The following TAL1 variants were observed in gnomAD, a reference collection of about 807,000 sequenced individuals.
TAL1 encodes T-cell acute lymphocytic leukemia protein 1.
TAL1 carries 8 observed loss-of-function variants against 17.9 expected under a neutral mutation model. The observed-to-expected ratio is 0.45, with a 90% CI of 0.26 to 0.81. TAL1 has a LOEUF of 0.81. TAL1 is among the 30% of genes least tolerant of loss of function. The probability of loss-of-function intolerance (pLI) is 0.17; values close to 1 mark genes in which losing one functional copy is unlikely to be tolerated. For synonymous variants in TAL1, 223 were observed against 218.6 expected (o/e 1.02, Z -0.18); for missense variants, 466 against 486.9 (o/e 0.96, Z 0.40).
At chr1:47,219,694 T>C (rs1321183193) in exon 4 of TAL1, 1 of 1,605,640 alleles carries the variant, frequency 6.2e-7, no homozygotes, top group Admixed American at 1.7e-5. Context: ...AACGCCCTCC[T>C]GGCTGATCCT....
chr1:47,232,209 C>G (rs1031847331), upstream of TAL1: 1 of 184,636 alleles, frequency 5.4e-6, no homozygotes, highest in African/African-American at 2.4e-5. Context: ...TTTTGAGGCC[C>G]GGTCCTGAGC....
chr1:47,225,380 C>G (rs1241301623), intron 2 of TAL1, 63 bp downstream of exon 3: 1 of 1,217,918 alleles, frequency 8.2e-7, no homozygotes, highest in Non-Finnish European at 1.0e-6. Context: ...GAAGGAAACC[C>G]CGGTGGGGGT....
chr1:47,222,937 T>C (rs1409329485), intron 3 of TAL1, among the ~76,000 whole-genome samples: 1 of 152,120 alleles, frequency 6.6e-6, no homozygotes, highest in African/African-American at 2.4e-5. Flanking sequence ...CCACCTCTCT[T>C]AGACTAGAGA....
At chr1:47,219,501 C>G (rs1645566191) in exon 4 of TAL1, 1 of 754,642 alleles carries the variant, frequency 1.3e-6, no homozygotes, top group African/African-American at 1.7e-5. Context: ...ACAAAAAGTA[C>G]CTACCACTTT....
At chr1:47,224,766 G>T (rs2984618) in intron 2 of TAL1, among the ~76,000 whole-genome samples, 80,196 of 151,992 alleles carry the variant, frequency 0.53, 23,402 homozygotes, top group East Asian at 0.98. Context: ...TGCCCCATCT[G>T]CCGGTTTCTA....
chr1:47,225,734 A>G, exon 2 of TAL1: 1 of 1,524,074 alleles, frequency 6.6e-7, no homozygotes, highest in Non-Finnish European at 8.7e-7. Context: ...GCCCAGTTCG[A>G]TGACTGGGGG....
At chr1:47,220,445 C>A (rs980704089) in intron 3 of TAL1, among the ~76,000 whole-genome samples, 2 of 152,202 alleles carry the variant, frequency 1.3e-5, no homozygotes, top group African/African-American at 4.8e-5. Flanking sequence ...TTGTCTCCCT[C>A]CCTGGGCTGT....
upstream of TAL1, chr1:47,231,295 G>C (rs1030156992): frequency 5.0e-6 from 1 of 198,418 alleles, no homozygotes; most frequent in African/African-American, 2.3e-5. Context: ...GTGAAATCCC[G>C]CTCCCCGCCC....
At chr1:47,232,283 T>A (rs935083702), upstream of TAL1, 7 of 52,186 alleles carry the variant, frequency 1.3e-4, no homozygotes, top group Non-Finnish European at 2.9e-4. Flanking sequence ...GCCCGGCCCC[T>A]CCACCGACGC....
exon 2 of TAL1, chr1:47,225,708 C>A (rs1643897747): frequency 1.6e-5 from 23 of 1,459,080 alleles, no homozygotes; most frequent in Non-Finnish European, 2.0e-5. Context: ...GGGCCGCCCC[C>A]CGGGCCTCCG....
At chr1:47,223,596 C>T (rs966803837) in intron 3 of TAL1, 1 of 162,404 alleles carries the variant, frequency 6.2e-6, no homozygotes, top group Admixed American at 6.1e-5. Context: ...GGAGGAAGTG[C>T]AGGGAATCCC....
intron 1 of TAL1, chr1:47,227,016 A>G (rs1199006560): frequency 1.3e-5 from 2 of 152,232 alleles, no homozygotes; most frequent in African/African-American, 4.8e-5. Context: ...GCCGAATGTC[A>G]AGTCACTCAC....
At chr1:47,226,526 CCA>C (rs142534636) in intron 1 of TAL1, among the ~76,000 whole-genome samples, 9 of 150,220 alleles carry the variant, frequency 6.0e-5, no homozygotes, top group East Asian at 3.9e-4. Flanking sequence ...CCAGCTCCCT[CCA>C]CACACACACA....
intron 2 of TAL1, among the ~76,000 whole-genome samples, chr1:47,224,993 G>A (rs1015937759): frequency 1.3e-5 from 2 of 152,174 alleles, no homozygotes; most frequent in Non-Finnish European, 2.9e-5. Context: ...TCTCTTGCCT[G>A]TCCAGCTAGC....
intron 3 of TAL1, among the ~76,000 whole-genome samples, chr1:47,220,913 T>A (rs1289153257): frequency 6.6e-6 from 1 of 152,158 alleles, no homozygotes; most frequent in African/African-American, 2.4e-5. Context: ...GAAAAGAAGC[T>A]CCATGTTTAG....
At chr1:47,230,317 C>T (rs1557683154), upstream of TAL1, 1 of 152,134 alleles carries the variant, frequency 6.6e-6, no homozygotes, top group Non-Finnish European at 1.5e-5. Flanking sequence ...ATTTGTTTTG[C>T]CTAAATCGTC....
At chr1:47,230,343 C>T (rs1396385666), upstream of TAL1, 1 of 152,216 alleles carries the variant, frequency 6.6e-6, no homozygotes, top group Non-Finnish European at 1.5e-5. Context: ...TATGATCACA[C>T]ATCGAAGTCT....
rs533306178 is a variant in TAL1, at chr1:47,225,364, T to C, written c.446+79A>G. 594 of 1,158,292 alleles carry C rather than the reference T, an allele frequency of 5.1e-4. 4 individuals carry two copies. In the African/African-American group the frequency reaches 8.3e-3, roughly 16 times the overall value. The allele number at this position is 1,158,292 out of a possible 1,614,324, so 71.8% of individuals were successfully genotyped here. ...GGCCCCCAGGGCAGGCCGCCGCCGA[T>C]GTGTAGAAGGAAACCCCGGTGGGGG... On this transcript the variant is annotated intron_variant, in intron 2 of 3. Transcript: ENST00000294339.
At position 47,225,367 on chromosome 1, in the gene TAL1, G is replaced by A. The variant is rs968466710; in HGVS notation, c.446+76C>T. The A allele has an allele frequency of 4.6e-5, 55 of 1,202,830 alleles. No homozygotes were observed. The African/African-American group carries it at 7.9e-4, about 17-fold the overall frequency. The allele number at this position is 1,202,830 out of a possible 1,614,324, so 74.5% of individuals were successfully genotyped here. A position where few individuals can be genotyped will look rare whatever the true frequency, so the allele number is the denominator to read the frequency against. ...CCCCAGGGCAGGCCGCCGCCGATGT[G>A]TAGAAGGAAACCCCGGTGGGGGTGG... On this transcript the variant is annotated intron_variant, in intron 2 of 3. Coordinates refer to ENST00000294339, the Ensembl canonical transcript of TAL1.
Sources: gnomAD v4.1 joint callset for allele counts (sites outside exome capture counted in the v4.1 genomes callset) on GRCh38, gnomAD v4.1.1 for gene constraint, MANE v1.5 for transcripts, NCBI Gene and HGNC (gene_info 2026-07-23, HGNC 2026-07-21) for gene names.